RELT: variants seen among roughly 807,000 people sequenced by gnomAD.
The protein encoded by RELT is RELT TNF receptor.
RELT carries 37 observed loss-of-function variants against 51.1 expected under a neutral mutation model. The ratio of observed to expected loss-of-function variants is 0.72; its 90% CI spans 0.56 to 0.95. The LOEUF (loss-of-function observed/expected upper bound fraction) is 0.95. RELT is among the 40% of genes least tolerant of loss of function. RELT has a pLI of 0.00. For missense variants in RELT, 535 were observed against 572.6 expected, an observed-to-expected ratio of 0.93 and a Z score of 0.67; for synonymous variants, 241 against 235.7, an observed-to-expected ratio of 1.02 and a Z score of -0.21.
chr11:73,392,069 G>C, intron 5 of RELT, 142 bp from the exon 6 acceptor site: 1 of 949,542 alleles, frequency 1.1e-6, no homozygotes, highest in South Asian at 1.6e-5. Context: ...GTTGACCTTT[G>C]CATCCCCAGC....
chr11:73,389,280 G>C, intron 2 of RELT, 99 bp downstream of exon 2: 7 of 793,696 alleles, frequency 8.8e-6, no homozygotes, highest in Non-Finnish European at 1.3e-5. Flanking sequence ...ACCCCCTGCT[G>C]GGCAGGGCTC....
At chr11:73,386,451 A>G (rs1866125185) in intron 1 of RELT, among the ~76,000 whole-genome samples, 1 of 151,982 alleles carries the variant, frequency 6.6e-6, no homozygotes, top group Non-Finnish European at 1.5e-5. Flanking sequence ...GCAGGGTGTG[A>G]GGGGTGCTGA....
chr11:73,385,764 C>A (rs1029151907), intron 1 of RELT, among the ~76,000 whole-genome samples: 3 of 152,206 alleles, frequency 2.0e-5, no homozygotes, highest in Admixed American at 6.5e-5. Flanking sequence ...CAGCGGCTCA[C>A]ACCTGGAATC....
chr11:73,394,986 G>A lies in RELT; in HGVS notation c.1047-101G>A, dbSNP rs1053762503. On this transcript the variant is annotated intron_variant, in intron 9 of 10. Transcript: ENST00000064780. The surrounding 1 kb of genome is among the most constrained non-coding windows in gnomAD (Gnocchi z 4.9). The stretch of plus-strand genomic sequence containing the variant: ...TGGCACCCGGGCCTCTCAGGCTAAG[G>A]CTCTGGTCCATGAACTTGCTGTGTG... The A allele has an allele frequency of 7.0e-6, 8 of 1,137,924 alleles. No individual in the cohort carries two copies. Among genetic ancestry groups the A allele is most frequent in the Non-Finnish European group, 1.0e-5 (8 of 777,184 alleles). 70.5% of individuals were successfully genotyped at this position (1,137,924 alleles called of 1,614,324 possible).
chr11:73,383,901 C>T (rs1012698116), intron 1 of RELT, among the ~76,000 whole-genome samples: 1 of 152,256 alleles, frequency 6.6e-6, no homozygotes, highest in African/African-American at 2.4e-5. Context: ...CGCTGGGCTC[C>T]TTGCTAACCT....
At chr11:73,377,689 GC>G (rs1465257018) in intron 1 of RELT, among the ~76,000 whole-genome samples, 2 of 117,802 alleles carry the variant, frequency 1.7e-5, no homozygotes, top group Admixed American at 8.3e-5. Flanking sequence ...AGACCCCCCC[GC>G]CCCCCTCCCC....
At position 73,395,638 on chromosome 11, in the gene RELT, G is replaced by A. The variant is rs1866307137; in HGVS notation, c.*147G>A. ...AGCAAAGACCAAGGCCTGGAGGTGGGAGCGTCTGCCCCAGTGAGGAGGCAG... is the reference window on the plus strand; with the variant it reads ...AGCAAAGACCAAGGCCTGGAGGTGGAAGCGTCTGCCCCAGTGAGGAGGCAG... On this transcript the variant is annotated 3_prime_UTR_variant, in exon 11 of 11. Transcript: ENST00000064780. 5 of 691,392 alleles carry A rather than the reference G, an allele frequency of 7.2e-6. No individual in the cohort carries two copies. Among genetic ancestry groups the A allele is most frequent in the South Asian group, 4.7e-5 (3 of 63,602 alleles). 42.8% of individuals were successfully genotyped at this position (691,392 alleles called of 1,614,324 possible).
At chr11:73,379,470 T>C (rs1372780127) in intron 1 of RELT, among the ~76,000 whole-genome samples, 2 of 152,102 alleles carry the variant, frequency 1.3e-5, no homozygotes, top group Non-Finnish European at 2.9e-5. Flanking sequence ...GGGGAGATAT[T>C]GAGGGCCAGT....
At position 73,392,291 on chromosome 11, in the gene RELT, G is replaced by C; in HGVS notation, c.448G>C (p.Gly150Arg). The C allele has an allele frequency of 6.2e-7, 1 of 1,613,206 alleles. No homozygotes were observed. The highest frequency in any genetic ancestry group is 8.5e-7 in the Non-Finnish European group (1 of 1,179,862). The change falls in exon 6 of 11, where the codon GGC (glycine) becomes CGC (arginine). Residue 150 changes from glycine (G) to arginine (R), a missense_variant. Transcript: ENST00000064780. ...SGGETRQPGNGTRAGGPEETA... is the reference protein window; with the variant it reads ...SGGETRQPGNRTRAGGPEETA... ...TGGTGAGACACGGCAGCCTGGGAACGGCACCCGGGCAGGTGGCCCAGAGGA... is the reference window on the plus strand; with the variant it reads ...TGGTGAGACACGGCAGCCTGGGAACCGCACCCGGGCAGGTGGCCCAGAGGA...
Position 73,395,227 on chromosome 11 carries a change from T to A in RELT, c.1187T>A (p.Leu396Gln). ...CTCCCCCCTGAGCAGCAGGCCCTGC[T>A]AGGAAGTGGCGGAAGCCGTACAAAG... ...PGLPPEQQAL[L>Q]GSGGSRTKWL... The change falls in exon 10 of 11, where the codon CTA (leucine) becomes CAA (glutamine). Residue 396 changes from leucine (L) to glutamine (Q), a missense_variant. Physicochemically the swap from Leu to Gln is moderately radical, Grantham distance 113 (BLOSUM62 -2). Transcript: ENST00000064780. 6.2e-7 allele frequency: 1 copy of A among 1,613,136 alleles called. No homozygotes were observed.
intron 1 of RELT, among the ~76,000 whole-genome samples, chr11:73,386,841 T>A (rs896431672): frequency 1.3e-5 from 2 of 152,148 alleles, no homozygotes; most frequent in South Asian, 4.1e-4. Flanking sequence ...TTGCTTGGCC[T>A]CTTTTCACCC....
Position 73,390,489 on chromosome 11 carries a change from A to G in RELT, c.46-62A>G, listed in dbSNP as rs1161299847. ...GTTTCAGGAAATAGGTGGGGGATAG[A>G]TGACCCCAGAGACCCCACACCCAGC... is the stretch of plus-strand genomic sequence containing the variant. On this transcript the variant is annotated intron_variant, in intron 2 of 10. Coordinates refer to ENST00000064780, the MANE Select transcript of RELT (RefSeq NM_152222.2). 1.0e-5 allele frequency: 15 copies of G among 1,458,892 alleles called. No individual in the cohort carries two copies. In the East Asian group the frequency reaches 3.2e-4, roughly 31 times the overall value. 90.4% of individuals were successfully genotyped at this position (1,458,892 alleles called of 1,614,324 possible).
rs1193036125 is a variant in RELT, at chr11:73,388,797, C to A, written c.-25-315C>A. ...CCGCCACACGCGCTTCCTTCCCCTG[C>A]TGATGCCTCGGGGCACCTGGCAGTT... On this transcript the variant is annotated intron_variant, in intron 1 of 10. Coordinates refer to ENST00000064780, the MANE Select transcript of RELT (RefSeq NM_152222.2). This position sits in a 1 kb window ranked among gnomAD's most constrained non-coding sequence, Gnocchi z 4.1. 6.6e-6 allele frequency among the ~76,000 whole-genome samples: 1 copy of A among 152,224 alleles called. No homozygotes were observed. The highest frequency in any genetic ancestry group is 1.5e-5 in the Non-Finnish European group (1 of 68,030).
intron 5 of RELT, chr11:73,391,885 G>A: frequency 2.1e-6 from 1 of 465,946 alleles, no homozygotes. Flanking sequence ...TCATGGCCAG[G>A]CCACAGGGAG....
chr11:73,392,561 T>G, intron 6 of RELT, 93 bp downstream of exon 6: 1 of 1,497,454 alleles, frequency 6.7e-7, no homozygotes, highest in Non-Finnish European at 9.0e-7. Context: ...CTGCCTGGCC[T>G]CTGGGGTCTG....
In RELT at chr11:73,390,840, C is replaced by T. The variant is rs752091065; in HGVS notation, c.206C>T (p.Ala69Val). The change falls in exon 4 of 11, where the codon GCC becomes GTC. Residue 69 changes from alanine to valine, a missense_variant. By Grantham distance (64) the Ala-to-Val change is moderately conservative. Coordinates refer to ENST00000064780, the MANE Select transcript of RELT (RefSeq NM_152222.2). ...AWGSSPCQPH[A>V]RCSLWRRLEA... ...GGCTCCAGCCCATGCCAGCCCCATG[C>T]CCGTTGCAGCCTTTGGAGGAGGCTG... The T allele has an allele frequency of 1.2e-5, 19 of 1,612,720 alleles. No homozygotes were observed. Among genetic ancestry groups the T allele is most frequent in the Non-Finnish European group, 1.5e-5 (18 of 1,179,728 alleles).
Position 73,395,187 on chromosome 11 carries a change from T to A in RELT, c.1147T>A (p.Ser383Thr). The change falls in exon 10 of 11, where the codon TCC becomes ACC. Residue 383 changes from serine to threonine, a missense_variant. Coordinates refer to ENST00000064780, the MANE Select transcript of RELT (RefSeq NM_152222.2). ...GCCCTCGTGGGGTGATCTCCCTGAC[T>A]CCCCACAGCCTGGCCTCCCCCCTGA... ...AGPSWGDLPD[S>T]PQPGLPPEQQ... 1 of 1,613,038 alleles carries A rather than the reference T, an allele frequency of 6.2e-7. No homozygotes were observed. Among genetic ancestry groups the A allele is most frequent in the Non-Finnish European group, 8.5e-7 (1 of 1,179,826 alleles).
At chr11:73,391,341 C>A in intron 5 of RELT, 118 bp downstream of exon 5, 1 of 954,266 alleles carries the variant, frequency 1.0e-6, no homozygotes, top group Non-Finnish European at 1.6e-6. Context: ...TTCTTCCAGC[C>A]CAGGGCAGGG....
chr11:73,386,450 G>A (rs1462839063), intron 1 of RELT, among the ~76,000 whole-genome samples: 1 of 152,218 alleles, frequency 6.6e-6, no homozygotes, highest in Non-Finnish European at 1.5e-5. Flanking sequence ...GGCAGGGTGT[G>A]AGGGGTGCTG....
Sources: gnomAD v4.1 joint callset for allele counts (sites outside exome capture counted in the v4.1 genomes callset) on GRCh38, gnomAD v4.1.1 for gene constraint, Gnocchi (gnomAD v3.1) non-coding constraint, MANE v1.5 for transcripts, NCBI Gene and HGNC (gene_info 2026-07-23, HGNC 2026-07-21) for gene names.